The following PDE4B variants were observed in gnomAD, a reference collection of about 807,000 sequenced individuals.
PDE4B encodes the protein 3',5'-cyclic-AMP phosphodiesterase 4B.
A neutral mutation model predicts 82.2 loss-of-function variants in PDE4B; 20 were observed. The observed-to-expected ratio is 0.24, with a 90% CI of 0.17 to 0.35. The LOEUF is 0.35. Ranked by LOEUF, PDE4B falls within the 10% of genes least tolerant of loss-of-function variation. The pLI is 1.00. For missense variants in PDE4B, 655 were observed against 907.2 expected (o/e 0.72, Z 3.57); for synonymous variants, 320 against 318.9 (o/e 1.00, Z -0.04).
At chr1:66,242,093 T>C (rs1443077136) in intron 3 of PDE4B, among the ~76,000 whole-genome samples, 1 of 152,150 alleles carries the variant, frequency 6.6e-6, no homozygotes, top group Non-Finnish European at 1.5e-5. Context: ...CACAAGAGTA[T>C]AGTCTAGCAT....
At chr1:66,197,550 T>A (rs1466097287) in intron 3 of PDE4B, among the ~76,000 whole-genome samples, 1 of 152,120 alleles carries the variant, frequency 6.6e-6, no homozygotes, top group African/African-American at 2.4e-5. Flanking sequence ...TGAAATACTT[T>A]ACAGATATGC....
intron 3 of PDE4B, among the ~76,000 whole-genome samples, chr1:66,168,193 G>C (rs1356064132): frequency 2.6e-5 from 4 of 151,930 alleles, no homozygotes; most frequent in African/African-American, 9.7e-5. Flanking sequence ...AATATTTATT[G>C]AGTTCCTACT....
intron 3 of PDE4B, among the ~76,000 whole-genome samples, chr1:65,996,990 T>C (rs904798443): frequency 2.4e-4 from 37 of 152,198 alleles, no homozygotes; most frequent in African/African-American, 8.9e-4. Flanking sequence ...GCTTGCCTGG[T>C]ACTTGTCACA....
intron 3 of PDE4B, among the ~76,000 whole-genome samples, chr1:65,956,686 G>A (rs1011408848): frequency 6.6e-6 from 1 of 152,046 alleles, no homozygotes; most frequent in African/African-American, 2.4e-5. Flanking sequence ...AAATAATCCT[G>A]CCACCTTTGT....
chr1:65,798,283 G>A lies in PDE4B; in HGVS notation c.-71+5035G>A, dbSNP rs1200456987. ...TTTTTTTTTTTTGAGACGGAGTCTC[G>A]CTCTGTCGCCCAGGTCGGACTGCGG... On this transcript the variant is annotated intron_variant, in intron 1 of 16. Coordinates refer to ENST00000341517, the MANE Select transcript of PDE4B (RefSeq NM_002600.4). Among the ~76,000 whole-genome samples the A allele has an allele frequency of 1.2e-4, 4 of 33,334 alleles. 1 individual carries two copies. The highest frequency in any genetic ancestry group is 1.2e-3 in the South Asian group (1 of 828). The allele number at this position is 33,334 out of a possible 152,430, so 21.9% of individuals were successfully genotyped here.
chr1:65,837,704 G>T (rs1401416443), intron 1 of PDE4B, among the ~76,000 whole-genome samples: 1 of 152,098 alleles, frequency 6.6e-6, no homozygotes, highest in Non-Finnish European at 1.5e-5. Flanking sequence ...AACCTTACTG[G>T]CATGGATTTT....
chr1:66,198,146 T>G (rs947486463), intron 3 of PDE4B, among the ~76,000 whole-genome samples: 3 of 152,114 alleles, frequency 2.0e-5, no homozygotes, highest in Non-Finnish European at 4.4e-5. Flanking sequence ...ATCTGGAGAC[T>G]TAAGATCAAA....
intron 3 of PDE4B, among the ~76,000 whole-genome samples, chr1:66,189,909 T>G (rs559113021): frequency 8.3e-4 from 127 of 152,382 alleles, no homozygotes; most frequent in African/African-American, 2.9e-3. Flanking sequence ...GGAGAGGTGC[T>G]CTGCTTTTTA....
chr1:66,367,327 G>A (rs1324297669), intron 13 of PDE4B, among the ~76,000 whole-genome samples: 1 of 152,066 alleles, frequency 6.6e-6, no homozygotes, highest in South Asian at 2.1e-4. Context: ...AAGTTTAGTG[G>A]TACTTTCATG....
chr1:65,852,523 T>G (rs1476806771), intron 1 of PDE4B, among the ~76,000 whole-genome samples: 4 of 152,012 alleles, frequency 2.6e-5, no homozygotes, highest in African/African-American at 7.2e-5. Context: ...AACATTAATA[T>G]GAAAGCTTAC....
chr1:65,896,098 A>ATG (rs1275198304), intron 1 of PDE4B, among the ~76,000 whole-genome samples: 1 of 151,024 alleles, frequency 6.6e-6, no homozygotes, highest in African/African-American at 2.4e-5. Flanking sequence ...TTATATATGC[A>ATG]TGTGTGTGTG....
Position 66,106,673 on chromosome 1 carries a change from G to T in PDE4B, c.282-140787G>T, listed in dbSNP as rs940101864. Among the ~76,000 whole-genome samples, 72 of 152,168 alleles carry T rather than the reference G, an allele frequency of 4.7e-4. No individual in the cohort carries two copies. In the Middle Eastern group the frequency reaches 0.014, roughly 29 times the overall value. On this transcript the variant is annotated intron_variant, in intron 3 of 16. Coordinates refer to ENST00000341517, the MANE Select transcript of PDE4B (RefSeq NM_002600.4). ...CTTCCTGGTTTGGTCTTGGGAGGGC[G>T]TATGTGTTGAGAAATTTATCCATTT...
chr1:66,008,746 T>C (rs1474434444), intron 3 of PDE4B, among the ~76,000 whole-genome samples: 1 of 152,086 alleles, frequency 6.6e-6, no homozygotes, highest in Non-Finnish European at 1.5e-5. Context: ...CCTGAGATTA[T>C]GACATTCCAT....
chr1:66,174,971 C>T (rs1029824971), intron 3 of PDE4B, among the ~76,000 whole-genome samples: 10 of 152,088 alleles, frequency 6.6e-5, no homozygotes, highest in Admixed American at 1.3e-4. Context: ...GGAGGTGTCA[C>T]GCTTAAACCA....
intron 3 of PDE4B, among the ~76,000 whole-genome samples, chr1:66,164,755 C>CTTTTTTT (rs145224852): frequency 3.4e-5 from 3 of 87,874 alleles, no homozygotes; most frequent in Non-Finnish European, 4.2e-5. Context: ...CTTTTCTTTT[C>CTTTTTTT]TTTTTTTTTT....
chr1:66,168,907 G>A (rs894627979), intron 3 of PDE4B, among the ~76,000 whole-genome samples: 1 of 152,182 alleles, frequency 6.6e-6, no homozygotes, highest in Non-Finnish European at 1.5e-5. Context: ...CTGAGACATT[G>A]TGAGGTCAAG....
At chr1:66,309,818 T>A (rs1570667950) in intron 7 of PDE4B, among the ~76,000 whole-genome samples, 1 of 152,184 alleles carries the variant, frequency 6.6e-6, no homozygotes, top group African/African-American at 2.4e-5. Context: ...ATTATACCAA[T>A]AAATAGTGTC....
At chr1:66,061,213 A>G (rs1291589248) in intron 3 of PDE4B, among the ~76,000 whole-genome samples, 2 of 149,972 alleles carry the variant, frequency 1.3e-5, no homozygotes, top group Admixed American at 6.8e-5. Flanking sequence ...AGCATTGTAT[A>G]AGAAGGATTA....
intron 1 of PDE4B, among the ~76,000 whole-genome samples, chr1:65,873,235 T>G (rs1646594736): frequency 6.6e-6 from 1 of 152,108 alleles, no homozygotes; most frequent in Non-Finnish European, 1.5e-5. Flanking sequence ...TGAAGTTGTG[T>G]GTAGTGGGAG....
Sources: gnomAD v4.1 joint callset for allele counts (sites outside exome capture counted in the v4.1 genomes callset) on GRCh38, gnomAD v4.1.1 for gene constraint, MANE v1.5 for transcripts, NCBI Gene and HGNC (gene_info 2026-07-23, HGNC 2026-07-21) for gene names.